The following PCDH15 variants were observed in gnomAD, a reference collection of about 807,000 sequenced individuals.
PCDH15 encodes protocadherin related 15.
A neutral mutation model predicts 178.5 loss-of-function variants in PCDH15; 129 were observed. The ratio of observed to expected loss-of-function variants is 0.72; its 90% CI spans 0.63 to 0.84. The LOEUF (loss-of-function observed/expected upper bound fraction) is 0.84, where lower values mean the gene tolerates loss of function less well. PCDH15 is among the 40% of genes least tolerant of loss of function. PCDH15 has a pLI of 0.00. For missense variants in PCDH15, 2,230 were observed against 2,099.9 expected (o/e 1.06, Z -1.21); for synonymous variants, 800 against 732.0 (o/e 1.09, Z -1.50).
In PCDH15 at chr10:54,125,884, T is replaced by C. The variant is rs574356352; in HGVS notation, c.1917+6991A>G. On this transcript the variant is annotated intron_variant, in intron 15 of 37. Coordinates refer to ENST00000644397, the MANE Select transcript of PCDH15 (RefSeq NM_001384140.1). ...ATTGCAATTGACCCTTTTTTCTCAA[T>C]AGAATAGCTAGTAAAATAATAAAGT... is the stretch of plus-strand genomic sequence containing the variant. Among the ~76,000 whole-genome samples, 5 of 152,236 alleles carry C rather than the reference T, an allele frequency of 3.3e-5. No individual in the cohort carries two copies. In the East Asian group the frequency reaches 9.7e-4, roughly 30 times the overall value.
At chr10:55,090,020 A>G (rs1177970644) in intron 2 of PCDH15, among the ~76,000 whole-genome samples, 1 of 152,126 alleles carries the variant, frequency 6.6e-6, no homozygotes, top group Non-Finnish European at 1.5e-5. Flanking sequence ...CTAAAATAAT[A>G]AAGTTGCATT....
chr10:55,263,874 A>G (rs1842210502), intron 1 of PCDH15, among the ~76,000 whole-genome samples: 1 of 152,174 alleles, frequency 6.6e-6, no homozygotes, highest in Non-Finnish European at 1.5e-5. Context: ...AGCTGGGACT[A>G]CAGGCACCTG....
chr10:55,527,189 A>G (rs2132058756), intron 2 of PCDH15, among the ~76,000 whole-genome samples: 1 of 152,200 alleles, frequency 6.6e-6, no homozygotes, highest in Admixed American at 6.6e-5. Flanking sequence ...GTTTCTTATG[A>G]CTGCCATAAC....
intron 2 of PCDH15, among the ~76,000 whole-genome samples, chr10:54,614,671 T>C (rs2093072865): frequency 6.6e-6 from 1 of 152,038 alleles, no homozygotes; most frequent in African/African-American, 2.4e-5. Flanking sequence ...CAGGGTGCTA[T>C]TGTCATTCTA....
intron 2 of PCDH15, chr10:55,599,562 A>T (rs916756663): frequency 6.3e-6 from 1 of 159,114 alleles, no homozygotes; most frequent in African/African-American, 2.4e-5. Flanking sequence ...CAGTAGAAGC[A>T]ATAATGTTAG....
intron 2 of PCDH15, among the ~76,000 whole-genome samples, chr10:54,945,703 G>A (rs544865528): frequency 6.6e-6 from 1 of 151,864 alleles, no homozygotes; most frequent in Non-Finnish European, 1.5e-5. Context: ...GCAGCCATTG[G>A]AGTTTAAATG....
At chr10:55,277,549 A>T (rs1246693696) in intron 1 of PCDH15, among the ~76,000 whole-genome samples, 3 of 152,100 alleles carry the variant, frequency 2.0e-5, no homozygotes, top group African/African-American at 7.2e-5. Flanking sequence ...CCTGTACACC[A>T]CTGTGATAAT....
intron 2 of PCDH15, among the ~76,000 whole-genome samples, chr10:55,582,525 C>A (rs1458219607): frequency 6.8e-6 from 1 of 147,014 alleles, no homozygotes; most frequent in East Asian, 2.0e-4. Context: ...AAATATAGGG[C>A]CATATAAATA....
rs143326866 is a variant in PCDH15 at position 54,259,528 on chromosome 10, A to G, written c.877-22597T>C. ...GACACGGAGACTAAGAGAAGATAAG[A>G]AAAGAAGTAGAAAGCAAACATAGGG... On this transcript the variant is annotated intron_variant, in intron 8 of 37. Coordinates refer to ENST00000644397, the MANE Select transcript of PCDH15 (RefSeq NM_001384140.1). Among the ~76,000 whole-genome samples the G allele has an allele frequency of 1.0e-3, 158 of 152,320 alleles. 1 individual carries two copies. The East Asian group carries it at 0.019, about 19-fold the overall frequency.
intron 2 of PCDH15, among the ~76,000 whole-genome samples, chr10:55,064,545 TAA>T (rs1351821059): frequency 6.6e-6 from 1 of 152,084 alleles, no homozygotes; most frequent in Non-Finnish European, 1.5e-5. Context: ...ATTTAATTAA[TAA>T]GTGTCTAGTT....
intron 15 of PCDH15, among the ~76,000 whole-genome samples, chr10:54,126,102 G>A (rs1176623104): frequency 4.9e-5 from 7 of 142,076 alleles, no homozygotes; most frequent in Non-Finnish European, 1.0e-4. Context: ...ACCGAATCTC[G>A]CTCTGTGGCC....
chr10:54,466,920 T>G (rs2077558103), intron 3 of PCDH15, among the ~76,000 whole-genome samples: 1 of 151,954 alleles, frequency 6.6e-6, no homozygotes. Context: ...GTAGCTGTTG[T>G]AAATGGGATT....
At chr10:54,445,216 G>T (rs545354877) in intron 3 of PCDH15, among the ~76,000 whole-genome samples, 1 of 151,194 alleles carries the variant, frequency 6.6e-6, no homozygotes, top group Non-Finnish European at 1.5e-5. Context: ...TGCTATGAAA[G>T]TGTATGTAAA....
chr10:54,371,705 A>T (rs1305530816), intron 4 of PCDH15, among the ~76,000 whole-genome samples: 3 of 149,172 alleles, frequency 2.0e-5, no homozygotes, highest in African/African-American at 7.6e-5. Flanking sequence ...AAAAGTTTTT[A>T]AAAAATAACA....
intron 2 of PCDH15, among the ~76,000 whole-genome samples, chr10:54,660,222 G>A (rs1047370088): frequency 8.6e-5 from 13 of 152,010 alleles, no homozygotes; most frequent in African/African-American, 3.1e-4. Context: ...ATTCTAATAC[G>A]CACAATCAGA....
intron 1 of PCDH15, among the ~76,000 whole-genome samples, chr10:55,262,492 G>A (rs558182755): frequency 6.6e-6 from 1 of 152,334 alleles, no homozygotes; most frequent in South Asian, 2.1e-4. Context: ...GAACACATCA[G>A]CAGAGGAACG....
intron 2 of PCDH15, among the ~76,000 whole-genome samples, chr10:55,466,086 A>G (rs1839825956): frequency 6.6e-6 from 1 of 152,148 alleles, no homozygotes; most frequent in Non-Finnish European, 1.5e-5. Flanking sequence ...TCTGGAGCTC[A>G]TCATTAATGG....
Position 55,375,267 on chromosome 10 carries a change from G to A in PCDH15, c.-155-208616C>T, listed in dbSNP as rs181575434. ...CTGAAAGGTATCAAATTTCTTTAAG[G>A]AAAACTTAAGAAAGAATGGCAGGGA... On this transcript the variant is annotated intron_variant, in intron 2 of 5. Coordinates refer to the PCDH15 transcript ENST00000613346. Among the ~76,000 whole-genome samples, 505 of 152,144 alleles carry A rather than the reference G, an allele frequency of 3.3e-3. 2 individuals carry two copies. Among genetic ancestry groups the A allele is most frequent in the African/African-American group, 9.8e-3 (409 of 41,534 alleles).
At chr10:55,561,282 G>A (rs934520858) in intron 2 of PCDH15, among the ~76,000 whole-genome samples, 5 of 151,836 alleles carry the variant, frequency 3.3e-5, no homozygotes, top group Admixed American at 2.6e-4. Flanking sequence ...AAACATACAG[G>A]CTACAGTTTT....
Sources: gnomAD v4.1 joint callset for allele counts (sites outside exome capture counted in the v4.1 genomes callset) on GRCh38, gnomAD v4.1.1 for gene constraint, MANE v1.5 for transcripts, NCBI Gene and HGNC (gene_info 2026-07-23, HGNC 2026-07-21) for gene names.